The following PALLD variants were observed in gnomAD, a reference collection of about 807,000 sequenced individuals.
The protein encoded by PALLD is palladin.
In PALLD, 61 loss-of-function variants were observed where a neutral mutation model predicts 123.5. The ratio of observed to expected loss-of-function variants is 0.49; its 90% CI spans 0.40 to 0.61. The LOEUF (loss-of-function observed/expected upper bound fraction) is 0.61. Among genes scored for constraint, PALLD ranks in the 20% least tolerant of loss-of-function variants. The pLI, the probability that PALLD is intolerant of heterozygous loss-of-function variation, is 0.00. For missense variants in PALLD, 1,273 were observed against 1,377.0 expected (o/e 0.92, Z 1.20); for synonymous variants, 465 against 496.4 (o/e 0.94, Z 0.84).
chr4:168,796,735 A>G (rs1283358999), intron 10 of PALLD, among the ~76,000 whole-genome samples: 1 of 152,252 alleles, frequency 6.6e-6, no homozygotes, highest in Non-Finnish European at 1.5e-5. Flanking sequence ...TATGCAGGAA[A>G]TGAGATCATA....
intron 5 of PALLD, 74 bp from the exon 6 acceptor site, chr4:168,685,411 G>T (rs753413199): frequency 8.7e-6 from 8 of 924,364 alleles, no homozygotes; most frequent in Admixed American, 1.7e-5. Context: ...TCCCCATAAT[G>T]AAAGGTTTCT....
Position 168,921,793 on chromosome 4 carries a change from C to G in PALLD, c.3058+52C>G, listed in dbSNP as rs752635004. The stretch of plus-strand genomic sequence containing the variant: ...TCTGACAGAATGAACATCAGACTTA[C>G]AAATGTAAACTAATTCTACATTACT... On this transcript the variant is annotated intron_variant, in intron 18 of 21. Transcript: ENST00000505667. 23 of 1,325,910 alleles carry G rather than the reference C, an allele frequency of 1.7e-5. No homozygotes were observed. The African/African-American group carries it at 3.2e-4, about 18-fold the overall frequency. 82.1% of individuals were successfully genotyped at this position (1,325,910 alleles called of 1,614,324 possible).
intron 2 of PALLD, among the ~76,000 whole-genome samples, chr4:168,638,763 A>G (rs1776596135): frequency 6.8e-6 from 1 of 147,228 alleles, no homozygotes; most frequent in East Asian, 2.0e-4. Context: ...ATGAGGCTCT[A>G]CCCTCATAAC....
At position 168,642,209 on chromosome 4, in the gene PALLD, G is replaced by A. The variant is rs529491728; in HGVS notation, c.909-25981G>A. ...TCTCTGGCTGGATTCTCTTATGTGT[G>A]TTTTATCAAGGAACAAGTAGATTCC... On this transcript the variant is annotated intron_variant, in intron 2 of 21. Coordinates refer to ENST00000505667, the MANE Select transcript of PALLD (RefSeq NM_001166108.2). 7.9e-5 allele frequency among the ~76,000 whole-genome samples: 12 copies of A among 152,190 alleles called. 1 individual carries two copies. In the South Asian group the frequency reaches 2.5e-3, roughly 32 times the overall value.
intron 1 of PALLD, among the ~76,000 whole-genome samples, chr4:168,501,885 T>A (rs192911428): frequency 6.6e-6 from 1 of 152,228 alleles, no homozygotes; most frequent in Non-Finnish European, 1.5e-5. Flanking sequence ...GTCTGCACCC[T>A]AACAACTTTC....
intron 10 of PALLD, among the ~76,000 whole-genome samples, chr4:168,792,023 G>A (rs1737597193): frequency 6.6e-6 from 1 of 152,118 alleles, no homozygotes. Context: ...TGGGACCAAG[G>A]AACTCTTCAA....
chr4:168,792,276 G>C (rs181797135), intron 10 of PALLD, among the ~76,000 whole-genome samples: 117 of 152,060 alleles, frequency 7.7e-4, no homozygotes, highest in Admixed American at 1.4e-3. Flanking sequence ...ACTCCCAAAA[G>C]TTACTCAGCC....
rs555178952 is a variant in PALLD at position 168,511,561 on chromosome 4, A to G, written c.57A>G (p.Glu19=). Reference sequence around the variant, plus strand: ...ATGACTCCCTCTCAGACATGCAGGAAGAAAGCAAGAATACTGACTTCTTCC... The same window carrying G: ...ATGACTCCCTCTCAGACATGCAGGAGGAAAGCAAGAATACTGACTTCTTCC... ...SFYDSLSDMQ[E]ESKNTDFFPG... The change falls in exon 2 of 22, where the codon GAA becomes GAG. Residue 19 remains glutamate (E), a synonymous_variant. Coordinates refer to ENST00000505667, the MANE Select transcript of PALLD (RefSeq NM_001166108.2). 3 of 1,614,038 alleles carry G rather than the reference A, an allele frequency of 1.9e-6. No individual in the cohort carries two copies. Among genetic ancestry groups the G allele is most frequent in the Admixed American group, 1.7e-5 (1 of 60,004 alleles).
intron 2 of PALLD, among the ~76,000 whole-genome samples, chr4:168,550,013 T>C (rs1358901703): frequency 1.3e-5 from 2 of 152,186 alleles, no homozygotes; most frequent in African/African-American, 2.4e-5. Flanking sequence ...TGAGTAATCA[T>C]TTTACAAATA....
At position 168,913,917 on chromosome 4, in the gene PALLD, A is replaced by T; in HGVS notation, c.2623-10A>T. On this transcript the variant is annotated splice_polypyrimidine_tract_variant and intron_variant, in intron 15 of 21. Coordinates refer to ENST00000505667, the MANE Select transcript of PALLD (RefSeq NM_001166108.2). ...AATAGCAAATCATTTATTTCCTGAT[A>T]TTTCTACAGGGCCGCATCAGTTGTA... 6.3e-7 allele frequency: 1 copy of T among 1,583,428 alleles called. No individual in the cohort carries two copies. The highest frequency in any genetic ancestry group is 8.7e-7 in the Non-Finnish European group (1 of 1,151,960).
At chr4:168,575,314 G>A (rs1769440244) in intron 2 of PALLD, among the ~76,000 whole-genome samples, 1 of 152,232 alleles carries the variant, frequency 6.6e-6, no homozygotes, top group South Asian at 2.1e-4. Context: ...GAGGACTCAG[G>A]AAACTTACAA....
intron 3 of PALLD, among the ~76,000 whole-genome samples, chr4:168,676,779 C>A (rs533111827): frequency 6.5e-4 from 98 of 151,340 alleles, no homozygotes; most frequent in Non-Finnish European, 1.3e-3. Flanking sequence ...TGGGGTTTCA[C>A]CGTGTTAGCC....
chr4:168,534,637 A>G (rs1764922225), intron 2 of PALLD, among the ~76,000 whole-genome samples: 1 of 152,060 alleles, frequency 6.6e-6, no homozygotes, highest in South Asian at 2.1e-4. Flanking sequence ...CACTGAACAC[A>G]TTTTCTCTTC....
At chr4:168,835,910 A>G (rs1745115239) in intron 10 of PALLD, among the ~76,000 whole-genome samples, 1 of 152,304 alleles carries the variant, frequency 6.6e-6, no homozygotes, top group African/African-American at 2.4e-5. Context: ...CTTGTAGAAA[A>G]GACATGGAGA....
At chr4:168,839,799 C>T (rs956593029) in intron 10 of PALLD, among the ~76,000 whole-genome samples, 3 of 152,156 alleles carry the variant, frequency 2.0e-5, no homozygotes, top group Non-Finnish European at 2.9e-5. Flanking sequence ...TGGGAATTAT[C>T]ACCACAGATG....
At chr4:168,589,268 T>G (rs1035701257) in intron 2 of PALLD, among the ~76,000 whole-genome samples, 2 of 152,172 alleles carry the variant, frequency 1.3e-5, no homozygotes, top group Non-Finnish European at 2.9e-5. Context: ...GGCCGGGTGC[T>G]TGTCAGCTTA....
intron 9 of PALLD, among the ~76,000 whole-genome samples, 194 bp from the exon 10 acceptor site, chr4:168,711,387 C>G (rs188902696): frequency 6.6e-6 from 1 of 152,228 alleles, no homozygotes; most frequent in Non-Finnish European, 1.5e-5. Flanking sequence ...AACGGTAGCA[C>G]TCGTTCAAAA....
intron 10 of PALLD, among the ~76,000 whole-genome samples, chr4:168,770,091 A>G (rs1734189448): frequency 6.6e-6 from 1 of 152,262 alleles, no homozygotes; most frequent in Non-Finnish European, 1.5e-5. Context: ...GTCAAGGCTG[A>G]GTTGGGGGAG....
intron 10 of PALLD, among the ~76,000 whole-genome samples, chr4:168,807,055 T>C (rs1211135401): frequency 6.6e-6 from 1 of 151,970 alleles, no homozygotes; most frequent in East Asian, 1.9e-4. Flanking sequence ...AACACTTCAA[T>C]ACCCAGGGCG....
Sources: gnomAD v4.1 joint callset for allele counts (sites outside exome capture counted in the v4.1 genomes callset) on GRCh38, gnomAD v4.1.1 for gene constraint, MANE v1.5 for transcripts, NCBI Gene and HGNC (gene_info 2026-07-23, HGNC 2026-07-21) for gene names.